TBCD: variants seen among roughly 807,000 people sequenced by gnomAD.
TBCD encodes tubulin folding cofactor D.
TBCD carries 105 observed loss-of-function variants against 169.3 expected under a neutral mutation model. The ratio of observed to expected loss-of-function variants is 0.62; its 90% CI spans 0.53 to 0.73. The LOEUF (loss-of-function observed/expected upper bound fraction) is 0.73, where lower values mean the gene tolerates loss of function less well. TBCD is among the 30% of genes least tolerant of loss of function. TBCD has a pLI of 0.00. For synonymous variants in TBCD, 700 were observed against 643.9 expected, an observed-to-expected ratio of 1.09 and a Z score of -1.32; for missense variants, 1,444 against 1,600.1, an observed-to-expected ratio of 0.90 and a Z score of 1.66.
intron 17 of TBCD, among the ~76,000 whole-genome samples, chr17:82,899,855 T>C (rs769692688): frequency 1.3e-5 from 2 of 152,254 alleles, no homozygotes; most frequent in Non-Finnish European, 2.9e-5. Flanking sequence ...TTAGCATTCC[T>C]GGCTGAATAC....
At chr17:82,830,273 C>T in intron 13 of TBCD, 2 of 1,614,212 alleles carry the variant, frequency 1.2e-6, no homozygotes, top group East Asian at 2.2e-5. Context: ...GGTCTGAGGT[C>T]ACACTGGGCC....
chr17:82,925,355 C>T (rs2061656366), intron 27 of TBCD, among the ~76,000 whole-genome samples: 1 of 152,194 alleles, frequency 6.6e-6, no homozygotes, highest in Non-Finnish European at 1.5e-5. Flanking sequence ...GAGGAGAACA[C>T]AGTTGCCTTT....
At chr17:82,893,015 C>T (rs1006080935) in intron 16 of TBCD, 11 of 152,548 alleles carry the variant, frequency 7.2e-5, no homozygotes, top group Non-Finnish European at 1.6e-4. Context: ...CCGGCTGGGC[C>T]AGCTGCCCCC....
intron 13 of TBCD, among the ~76,000 whole-genome samples, chr17:82,824,600 C>G (rs751466901): frequency 1.9e-4 from 29 of 152,218 alleles, no homozygotes; most frequent in Non-Finnish European, 3.7e-4. Flanking sequence ...TTGAGCGACT[C>G]TCCCACCTCA....
intron 7 of TBCD, among the ~76,000 whole-genome samples, chr17:82,784,093 C>T (rs369167968): frequency 2.0e-5 from 3 of 151,946 alleles, no homozygotes; most frequent in African/African-American, 7.3e-5. Context: ...CACTGCACCC[C>T]AGCCTAGGTG....
chr17:82,791,386 C>T (rs560600931), intron 7 of TBCD, among the ~76,000 whole-genome samples: 6 of 152,276 alleles, frequency 3.9e-5, no homozygotes, highest in East Asian at 1.9e-4. Context: ...CCACTGTGCC[C>T]GGCCATGGAT....
At chr17:82,810,118 C>G (rs1464451992) in intron 12 of TBCD, among the ~76,000 whole-genome samples, 1 of 152,072 alleles carries the variant, frequency 6.6e-6, no homozygotes, top group East Asian at 1.9e-4. Flanking sequence ...CCTCGCCTAC[C>G]CATTAGCCAC....
chr17:82,920,695 G>T lies in TBCD; in HGVS notation c.2101+77G>T. 1 of 1,241,368 alleles carries T rather than the reference G, an allele frequency of 8.1e-7. No homozygotes were observed. 76.9% of individuals were successfully genotyped at this position (1,241,368 alleles called of 1,614,324 possible). A position where few individuals can be genotyped will look rare whatever the true frequency, so the allele number is the denominator to read the frequency against. The stretch of plus-strand genomic sequence containing the variant: ...TTAAAAGGTAAAAATGAACCTGTTA[G>T]GATGGGGGCGATAAACGATTATAGC... On this transcript the variant is annotated intron_variant, in intron 24 of 38. Coordinates refer to ENST00000355528, the MANE Select transcript of TBCD (RefSeq NM_005993.5). The surrounding 1 kb of genome is among the most constrained non-coding windows in gnomAD (Gnocchi z 4.1).
At chr17:82,844,761 C>T (rs1033806995) in intron 13 of TBCD, among the ~76,000 whole-genome samples, 1 of 152,204 alleles carries the variant, frequency 6.6e-6, no homozygotes, top group Non-Finnish European at 1.5e-5. Flanking sequence ...CTGTGTTACT[C>T]AGAATTCTTG....
chr17:82,863,347 A>G (rs1010850528), intron 13 of TBCD, among the ~76,000 whole-genome samples: 1 of 152,190 alleles, frequency 6.6e-6, no homozygotes, highest in African/African-American at 2.4e-5. Context: ...ACCCGGACGC[A>G]GCGTGGAGGC....
At position 82,831,981 on chromosome 17, in the gene TBCD, C is replaced by G. The variant is rs779876008; in HGVS notation, c.1318+17047C>G. The stretch of plus-strand genomic sequence containing the variant: ...CGCCGACTGGAACAAATGCAGAAGG[C>G]CGAGCTGCGCCTTCCAGAGCAGGCT... On this transcript the variant is annotated intron_variant, in intron 13 of 38. Transcript: ENST00000355528. This position sits in a 1 kb window ranked among gnomAD's most constrained non-coding sequence, Gnocchi z 4.6. 3 of 1,613,084 alleles carry G rather than the reference C, an allele frequency of 1.9e-6. No homozygotes were observed. The highest frequency in any genetic ancestry group is 2.5e-6 in the Non-Finnish European group (3 of 1,179,358).
chr17:82,838,482 C>T (rs943636679), intron 13 of TBCD, among the ~76,000 whole-genome samples: 1 of 152,166 alleles, frequency 6.6e-6, no homozygotes, highest in Non-Finnish European at 1.5e-5. Flanking sequence ...TGGTGGTGTC[C>T]AGCTGTCTGG....
intron 23 of TBCD, among the ~76,000 whole-genome samples, chr17:82,912,212 C>T (rs763874323): frequency 1.3e-5 from 2 of 151,464 alleles, no homozygotes; most frequent in Admixed American, 6.6e-5. Flanking sequence ...CCGTTTTGGG[C>T]GAGCACAGGA....
Position 82,828,551 on chromosome 17 carries a change from GCC to G in TBCD, c.1318+13624_1318+13625del, listed in dbSNP as rs11364632. On this transcript the variant is annotated intron_variant, in intron 13 of 38. Coordinates refer to ENST00000355528, the MANE Select transcript of TBCD (RefSeq NM_005993.5). ...CGTGCACACCGGCACAATGGAATGT[GCC>G]CCCCCCGATTGCACACGTGCACACC... Among the ~76,000 whole-genome samples, 468 of 135,826 alleles carry G rather than the reference GCC, an allele frequency of 3.4e-3. 14 individuals are homozygous for G. The highest frequency in any genetic ancestry group is 0.03 in the Admixed American group (412 of 13,946). The allele number at this position is 135,826 out of a possible 152,430, so 89.1% of individuals were successfully genotyped here.
intron 33 of TBCD, among the ~76,000 whole-genome samples, chr17:82,931,154 G>T (rs2062167105): frequency 6.6e-6 from 1 of 152,218 alleles, no homozygotes; most frequent in Admixed American, 6.5e-5. Flanking sequence ...CTCTGGAAGG[G>T]TTGTTCCCAG....
chr17:82,752,588 G>A (rs1260583082), intron 1 of TBCD, among the ~76,000 whole-genome samples: 1 of 152,086 alleles, frequency 6.6e-6, no homozygotes, highest in Non-Finnish European at 1.5e-5. Flanking sequence ...GCAGACGCGC[G>A]CCTCCCTTGG....
chr17:82,941,715 C>T, intron 38 of TBCD: 1 of 531,146 alleles, frequency 1.9e-6, no homozygotes, highest in Non-Finnish European at 3.3e-6. Context: ...GTTTGGGGGG[C>T]CGGGGAGTGG....
intron 2 of TBCD, 129 bp from the exon 3 acceptor site, chr17:82,763,836 T>G: frequency 2.7e-6 from 2 of 738,010 alleles, no homozygotes; most frequent in Middle Eastern, 2.4e-4. Flanking sequence ...AAATTCTGGC[T>G]TCAAATGATC....
intron 13 of TBCD, among the ~76,000 whole-genome samples, chr17:82,845,209 A>G (rs1363094143): frequency 1.3e-5 from 2 of 152,292 alleles, no homozygotes; most frequent in African/African-American, 2.4e-5. Flanking sequence ...GGTGAGGCAC[A>G]GGACATGGCC....
Sources: allele counts gnomAD v4.1 joint callset (sites outside exome capture counted in the v4.1 genomes callset), GRCh38; gene constraint gnomAD v4.1.1; non-coding constraint Gnocchi (gnomAD v3.1); transcripts MANE v1.5; gene names NCBI Gene and HGNC (gene_info 2026-07-23, HGNC 2026-07-21).